Variants in OLFM2 observed in about 807,000 individuals in gnomAD.
OLFM2 encodes the protein noelin-2.
A neutral mutation model predicts 43.9 loss-of-function variants in OLFM2; 20 were observed. That is an observed-to-expected ratio of 0.46 (90% CI 0.32 to 0.66). OLFM2 has a LOEUF of 0.66. OLFM2 is among the 30% of genes least tolerant of loss of function. The pLI, the probability that OLFM2 is intolerant of heterozygous loss-of-function variation, is 0.04. For synonymous variants in OLFM2, 268 were observed against 278.6 expected, an observed-to-expected ratio of 0.96 and a Z score of 0.38; for missense variants, 416 against 643.6, an observed-to-expected ratio of 0.65 and a Z score of 3.83.
chr19:9,915,496 T>TTTTA (rs60485300), intron 1 of OLFM2, among the ~76,000 whole-genome samples: 29,134 of 93,566 alleles, frequency 0.31, 3,995 homozygotes, highest in African/African-American at 0.42. Flanking sequence ...AAAGGGACTT[T>TTTTA]TTTATTTATT....
chr19:9,904,313 C>T (rs1176266068), intron 1 of OLFM2, among the ~76,000 whole-genome samples: 1 of 151,872 alleles, frequency 6.6e-6, no homozygotes, highest in African/African-American at 2.4e-5. Context: ...GCCTCAGCCT[C>T]CCACGTAGCT....
chr19:9,903,595 T>C (rs971431531), intron 1 of OLFM2, among the ~76,000 whole-genome samples: 8 of 152,132 alleles, frequency 5.3e-5, no homozygotes, highest in African/African-American at 1.9e-4. Context: ...CTCATTAGCA[T>C]TGCGGTGAAA....
At chr19:9,904,147 A>AT (rs2046763292) in intron 1 of OLFM2, among the ~76,000 whole-genome samples, 1 of 116,722 alleles carries the variant, frequency 8.6e-6, no homozygotes, top group East Asian at 2.9e-4. Context: ...CAGGCTGAGT[A>AT]TTGTTTGTGT....
chr19:9,880,207 G>A (rs921205222), intron 1 of OLFM2, among the ~76,000 whole-genome samples: 1 of 152,190 alleles, frequency 6.6e-6, no homozygotes, highest in African/African-American at 2.4e-5. Flanking sequence ...TCTGGAAGAT[G>A]CAATAGCTAA....
rs2145429731 is a variant in OLFM2 at position 9,856,950 on chromosome 19, A to G, written c.581-37T>C. 4.0e-6 allele frequency: 6 copies of G among 1,508,600 alleles called. No homozygotes were observed. In the East Asian group the frequency reaches 1.4e-4, roughly 35 times the overall value. The allele number at this position is 1,508,600 out of a possible 1,614,324, so 93.5% of individuals were successfully genotyped here. A position where few individuals can be genotyped will look rare whatever the true frequency, so the allele number is the denominator to read the frequency against. ...GAACAGGGGGAATGAGGATGGGGAA[A>G]TGAACAGCCCAAGAGAGGCCAGGCA... On this transcript the variant is annotated intron_variant, in intron 4 of 5. Transcript: ENST00000264833. The surrounding 1 kb of genome is among the most constrained non-coding windows in gnomAD (Gnocchi z 4.0).
chr19:9,927,340 C>T (rs533651041), intron 1 of OLFM2, among the ~76,000 whole-genome samples: 4 of 152,196 alleles, frequency 2.6e-5, no homozygotes, highest in South Asian at 4.1e-4. Context: ...ACCCAGCTTT[C>T]GAAGCCTTTA....
chr19:9,856,871 C>T lies in OLFM2; in HGVS notation c.623G>A (p.Arg208Gln), dbSNP rs2046322899. The T allele has an allele frequency of 2.5e-6, 4 of 1,613,180 alleles. No homozygotes were observed. Among genetic ancestry groups the T allele is most frequent in the African/African-American group, 2.7e-5 (2 of 74,892 alleles). Residue 208 changes from arginine (R) to glutamine (Q), a missense_variant, in exon 5 of 6, where the codon CGG (arginine) becomes CAG (glutamine). Coordinates refer to ENST00000264833, the MANE Select transcript of OLFM2 (RefSeq NM_058164.4). The surrounding 1 kb of genome is among the most constrained non-coding windows in gnomAD (Gnocchi z 4.0). ...LTGVSNPITV[R>Q]AMGSRFGSWM... ...GGAGCCGAAGCGGGACCCCATGGCC[C>T]GAACGGTGATGGGGTTACTGACCCC...
Position 9,856,835 on chromosome 19 carries a change from T to A in OLFM2, c.659A>T (p.Asp220Val). 6.2e-7 allele frequency: 1 copy of A among 1,613,654 alleles called. No individual in the cohort carries two copies. Among genetic ancestry groups the A allele is most frequent in the Non-Finnish European group, 8.5e-7 (1 of 1,179,864 alleles). ...GCTATCCGCACTGGGGGCCATCGTG[T>A]CAGTCATCCAGGAGCCGAAGCGGGA... Reference protein sequence around the residue: ...MGSRFGSWMTDTMAPSADSRV... With the variant: ...MGSRFGSWMTVTMAPSADSRV... The change falls in exon 5 of 6, where the codon GAC (aspartate) becomes GTC (valine). Residue 220 changes from aspartate to valine, a missense_variant. Physicochemically the swap from Asp to Val is radical, Grantham distance 152. Transcript: ENST00000264833. This position sits in a 1 kb window ranked among gnomAD's most constrained non-coding sequence, Gnocchi z 4.0.
At chr19:9,920,907 GAA>G (rs539333679) in intron 1 of OLFM2, among the ~76,000 whole-genome samples, 2 of 141,688 alleles carry the variant, frequency 1.4e-5, no homozygotes, top group Non-Finnish European at 3.1e-5. Context: ...ACTCCATCTT[GAA>G]AAAAAAAAAA....
chr19:9,867,578 G>A (rs1182345246), intron 1 of OLFM2, among the ~76,000 whole-genome samples: 1 of 152,100 alleles, frequency 6.6e-6, no homozygotes, highest in African/African-American at 2.4e-5. Flanking sequence ...AAGGCACCTT[G>A]GGGCTTACAT....
intron 1 of OLFM2, among the ~76,000 whole-genome samples, chr19:9,869,372 G>A (rs1006061625): frequency 1.3e-5 from 2 of 152,192 alleles, no homozygotes; most frequent in East Asian, 3.8e-4. Context: ...CAACTGGTAA[G>A]AGCAGGGTCC....
rs185463952 is a variant in OLFM2 at position 9,934,798 on chromosome 19, C to T, written c.63+1506G>A. Among the ~76,000 whole-genome samples the T allele has an allele frequency of 3.3e-3, 510 of 152,288 alleles. 1 individual carries two copies. Among genetic ancestry groups the T allele is most frequent in the Non-Finnish European group, 5.6e-3 (381 of 68,008 alleles). ...AATGGAGGAGCGAGGGAGGGGACCC[C>T]ACAATCTCTCCTCGTGGCCTGGAAA... On this transcript the variant is annotated intron_variant, in intron 1 of 5. Transcript: ENST00000264833.
At chr19:9,925,173 CTTGA>C (rs2086445361) in intron 1 of OLFM2, among the ~76,000 whole-genome samples, 1 of 152,026 alleles carries the variant, frequency 6.6e-6, no homozygotes, top group Non-Finnish European at 1.5e-5. Flanking sequence ...GGGAGAATGG[CTTGA>C]GTCCGGAAGG....
At chr19:9,908,777 A>G (rs1447153596) in intron 1 of OLFM2, among the ~76,000 whole-genome samples, 1 of 151,920 alleles carries the variant, frequency 6.6e-6, no homozygotes, top group African/African-American at 2.4e-5. Context: ...GGGTTTCACC[A>G]TGTTGGCCAG....
chr19:9,855,088 G>C (rs983320296), intron 5 of OLFM2, among the ~76,000 whole-genome samples: 1 of 152,090 alleles, frequency 6.6e-6, no homozygotes, highest in Non-Finnish European at 1.5e-5. Context: ...TCACTCAATG[G>C]CTGTCCAGTG....
chr19:9,860,810 G>T lies in OLFM2; in HGVS notation c.64-16C>A, dbSNP rs771657724. 1 of 1,596,188 alleles carries T rather than the reference G, an allele frequency of 6.3e-7. No homozygotes were observed. The highest frequency in any genetic ancestry group is 8.5e-7 in the Non-Finnish European group (1 of 1,174,342). ...GGAAGAGAGTCTGCAAAGAGGTGGGGGTCAGAGACCGGAATCCCAGTGAGG... is the reference window on the plus strand; with the variant it reads ...GGAAGAGAGTCTGCAAAGAGGTGGGTGTCAGAGACCGGAATCCCAGTGAGG... On this transcript the variant is annotated splice_polypyrimidine_tract_variant and intron_variant, in intron 1 of 5. Transcript: ENST00000264833.
At chr19:9,912,335 G>A (rs1381817299) in intron 1 of OLFM2, among the ~76,000 whole-genome samples, 3 of 152,018 alleles carry the variant, frequency 2.0e-5, no homozygotes, top group Non-Finnish European at 4.4e-5. Flanking sequence ...CCTTGCCTTC[G>A]ACCCTAGGGA....
chr19:9,860,702 C>G lies in OLFM2; in HGVS notation c.156G>C (p.Ala52=), dbSNP rs764022815. The change falls in exon 2 of 6, where the codon GCG becomes GCC. Residue 52 remains alanine, a synonymous_variant. Transcript: ENST00000264833. ...GKCICTAVIP[A]QSTCSRDGRS... is the part of the protein sequence containing the mutation. ...TGCCATCTCGAGAGCAGGTACTCTG[C>G]GCTGGGATCACGGCCGTGCAGATGC... The G allele has an allele frequency of 6.2e-7, 1 of 1,604,378 alleles. No individual in the cohort carries two copies. The highest frequency in any genetic ancestry group is 1.3e-5 in the African/African-American group (1 of 74,812).
At chr19:9,855,619 G>A (rs1040534261) in intron 5 of OLFM2, among the ~76,000 whole-genome samples, 4 of 150,990 alleles carry the variant, frequency 2.6e-5, no homozygotes, top group Admixed American at 2.0e-4. Flanking sequence ...CTGCAGCCTC[G>A]ACCTCCCAGG....
Sources: gnomAD v4.1 joint callset for allele counts (sites outside exome capture counted in the v4.1 genomes callset) on GRCh38, gnomAD v4.1.1 for gene constraint, Gnocchi (gnomAD v3.1) non-coding constraint, MANE v1.5 for transcripts, NCBI Gene and HGNC (gene_info 2026-07-23, HGNC 2026-07-21) for gene names.